The following MYO5B variants were observed in gnomAD, a reference collection of about 807,000 sequenced individuals.
MYO5B encodes the protein unconventional myosin-Vb.
MYO5B carries 143 observed loss-of-function variants against 229.3 expected under a neutral mutation model. The ratio of observed to expected loss-of-function variants is 0.62; its 90% CI spans 0.54 to 0.72. The LOEUF is 0.72. MYO5B is among the 30% of genes least tolerant of loss of function. MYO5B has a pLI of 0.00. For synonymous variants in MYO5B, 918 were observed against 885.2 expected, an observed-to-expected ratio of 1.04 and a Z score of -0.66; for missense variants, 2,321 against 2,331.0, an observed-to-expected ratio of 1.00 and a Z score of 0.09.
chr18:49,930,057 A>G (rs3937010), intron 16 of MYO5B, among the ~76,000 whole-genome samples: 12,641 of 152,236 alleles, frequency 0.083, 1,039 homozygotes, highest in East Asian at 0.3. Flanking sequence ...CTGGGTTTCA[A>G]TCATGACATG....
intron 21 of MYO5B, among the ~76,000 whole-genome samples, chr18:49,902,222 C>T (rs552098758): frequency 4.4e-4 from 67 of 152,244 alleles, no homozygotes; most frequent in African/African-American, 1.5e-3. Flanking sequence ...TGCCTGCATC[C>T]CTCCCACCTC....
Position 49,974,404 on chromosome 18 carries a change from G to T in MYO5B, c.1268C>A (p.Ala423Asp). 1 of 1,614,184 alleles carries T rather than the reference G, an allele frequency of 6.2e-7. No homozygotes were observed. The highest frequency in any genetic ancestry group is 8.5e-7 in the Non-Finnish European group (1 of 1,180,018). Reference protein sequence around the residue: ...FGWIVEHINKALHTSLKQHSF... With the variant: ...FGWIVEHINKDLHTSLKQHSF... The stretch of plus-strand genomic sequence containing the variant: ...GTGCTGCTTGAGGGAGGTGTGCAGG[G>T]CCTTGTTGATGTGCTCCACAATCCA... Residue 423 changes from alanine to aspartate, a missense_variant, in exon 10 of 40, where the codon GCC becomes GAC. Ala to Asp is a moderately radical substitution (Grantham distance 126). Coordinates refer to ENST00000285039, the MANE Select transcript of MYO5B (RefSeq NM_001080467.3).
intron 1 of MYO5B, among the ~76,000 whole-genome samples, chr18:50,084,488 T>C (rs2031286989): frequency 6.6e-6 from 1 of 152,210 alleles, no homozygotes; most frequent in Non-Finnish European, 1.5e-5. Flanking sequence ...CAAAGTTCTT[T>C]ATGTTTCTCC....
At chr18:50,007,702 C>A (rs934370006) in intron 4 of MYO5B, among the ~76,000 whole-genome samples, 1 of 152,234 alleles carries the variant, frequency 6.6e-6, no homozygotes, top group Admixed American at 6.5e-5. Context: ...AACTGATAAT[C>A]CCCTTTGATC....
intron 4 of MYO5B, among the ~76,000 whole-genome samples, chr18:50,009,563 G>A (rs537451917): frequency 2.6e-5 from 4 of 152,178 alleles, no homozygotes; most frequent in Admixed American, 6.5e-5. Flanking sequence ...TTCGGGGAAC[G>A]AAAGGTTATG....
intron 17 of MYO5B, among the ~76,000 whole-genome samples, chr18:49,913,095 C>T (rs2024975933): frequency 6.6e-6 from 1 of 152,250 alleles, no homozygotes; most frequent in South Asian, 2.1e-4. Context: ...TACAGGCCCA[C>T]TGTAAAGAAA....
intron 5 of MYO5B, among the ~76,000 whole-genome samples, chr18:49,998,967 C>T (rs73442570): frequency 0.012 from 1,840 of 152,278 alleles, 38 homozygotes; most frequent in African/African-American, 0.042. Context: ...TGCCACTAAA[C>T]TGTACACTTA....
intron 1 of MYO5B, among the ~76,000 whole-genome samples, chr18:50,070,250 C>T (rs1037921682): frequency 2.0e-5 from 3 of 152,024 alleles, no homozygotes; most frequent in Non-Finnish European, 2.9e-5. Context: ...TCTTGAACTC[C>T]TGACCTCAGG....
chr18:50,112,955 A>G (rs2031893223), intron 1 of MYO5B, among the ~76,000 whole-genome samples: 1 of 152,220 alleles, frequency 6.6e-6, no homozygotes, highest in African/African-American at 2.4e-5. Context: ...TGTCACCCAC[A>G]TTAAACTTTA....
Position 49,858,518 on chromosome 18 carries a change from C to A in MYO5B, c.3945-1628G>T, listed in dbSNP as rs74566523. Among the ~76,000 whole-genome samples the A allele has an allele frequency of 8.0e-3, 1,219 of 152,282 alleles. 12 individuals carry two copies. Among genetic ancestry groups the A allele is most frequent in the African/African-American group, 0.027 (1,131 of 41,518 alleles). On this transcript the variant is annotated intron_variant, in intron 29 of 39. Coordinates refer to ENST00000285039, the MANE Select transcript of MYO5B (RefSeq NM_001080467.3). ...CTAAAGCTCCTTTCCAGCCTCCAGCCCCCCACCCCCCAGGGAGGGGCTGCT... is the reference window on the plus strand; with the variant it reads ...CTAAAGCTCCTTTCCAGCCTCCAGCACCCCACCCCCCAGGGAGGGGCTGCT...
At chr18:49,935,988 C>T (rs147418117) in intron 16 of MYO5B, among the ~76,000 whole-genome samples, 5 of 152,338 alleles carry the variant, frequency 3.3e-5, no homozygotes, top group Admixed American at 6.5e-5. Flanking sequence ...ATTTAACGTT[C>T]TCTATTTTAT....
rs1474649948 is a variant in MYO5B, at chr18:49,825,971, A to T, written c.*500T>A. On this transcript the variant is annotated 3_prime_UTR_variant, in exon 40 of 40. Coordinates refer to ENST00000285039, the MANE Select transcript of MYO5B (RefSeq NM_001080467.3). ...TCATCCCCATATTTTTGTTCTTAAAACATCTCACCACAAACTCAACCACAC... is the reference window on the plus strand; with the variant it reads ...TCATCCCCATATTTTTGTTCTTAAATCATCTCACCACAAACTCAACCACAC... 1 of 163,218 alleles carries T rather than the reference A, an allele frequency of 6.1e-6. No individual in the cohort carries two copies. Among genetic ancestry groups the T allele is most frequent in the Non-Finnish European group, 1.4e-5 (1 of 73,820 alleles). 10.1% of individuals were successfully genotyped at this position (163,218 alleles called of 1,614,324 possible).
intron 1 of MYO5B, among the ~76,000 whole-genome samples, chr18:50,158,552 G>A (rs2032717196): frequency 6.6e-6 from 1 of 152,126 alleles, no homozygotes. Context: ...ATTTCATCAT[G>A]TGATGCATTT....
At chr18:50,083,733 A>G (rs2031270062) in intron 1 of MYO5B, among the ~76,000 whole-genome samples, 1 of 152,154 alleles carries the variant, frequency 6.6e-6, no homozygotes, top group South Asian at 2.1e-4. Flanking sequence ...GCTCAGTTAC[A>G]AGGTGGATCA....
rs141512930 is a variant in MYO5B, at chr18:50,121,757, T to C, written c.28-66379A>G. On this transcript the variant is annotated intron_variant, in intron 1 of 39. Transcript: ENST00000285039. ...CCCAAACAGGCACTGTCTTCACTAATGCCCAACCACTGCAGCTGCCACAGC... is the reference window on the plus strand; with the variant it reads ...CCCAAACAGGCACTGTCTTCACTAACGCCCAACCACTGCAGCTGCCACAGC... 4.4e-4 allele frequency among the ~76,000 whole-genome samples: 67 copies of C among 152,292 alleles called. 1 individual carries two copies. In the East Asian group the frequency reaches 0.013, roughly 29 times the overall value.
chr18:49,990,358 G>T, intron 7 of MYO5B, 81 bp downstream of exon 7: 2 of 1,187,418 alleles, frequency 1.7e-6, no homozygotes, highest in Non-Finnish European at 2.5e-6. Flanking sequence ...CATGACGGAG[G>T]GCTTTGAGCA....
intron 1 of MYO5B, among the ~76,000 whole-genome samples, chr18:50,079,492 A>G (rs1197499008): frequency 6.6e-6 from 1 of 152,202 alleles, no homozygotes; most frequent in Non-Finnish European, 1.5e-5. Context: ...AGAGTGCTCC[A>G]AAATAAAACT....
chr18:49,873,906 T>G (rs1390369351), intron 26 of MYO5B, among the ~76,000 whole-genome samples: 1 of 152,134 alleles, frequency 6.6e-6, no homozygotes, highest in Non-Finnish European at 1.5e-5. Context: ...TGATGGTACA[T>G]CCCATGGGCT....
chr18:49,968,287 A>T (rs1430379184), intron 10 of MYO5B, among the ~76,000 whole-genome samples: 1 of 152,212 alleles, frequency 6.6e-6, no homozygotes, highest in Non-Finnish European at 1.5e-5. Context: ...GGGGAGGAAA[A>T]GAGTTTTTAC....
Sources: allele counts gnomAD v4.1 joint callset (sites outside exome capture counted in the v4.1 genomes callset), GRCh38; gene constraint gnomAD v4.1.1; transcripts MANE v1.5; gene names NCBI Gene and HGNC (gene_info 2026-07-23, HGNC 2026-07-21).